ARMC8: variants seen among roughly 807,000 people sequenced by gnomAD.
ARMC8 encodes the protein armadillo repeat-containing protein 8.
Under a neutral mutation model 99.3 loss-of-function variants are expected in ARMC8, and 20 were observed. That is an observed-to-expected ratio of 0.20 (90% CI 0.14 to 0.29). ARMC8 has a LOEUF of 0.29. Among genes scored for constraint, ARMC8 ranks in the 10% least tolerant of loss-of-function variants. The pLI is 1.00. For synonymous variants in ARMC8, 263 were observed against 278.3 expected (o/e 0.95, Z 0.55); for missense variants, 569 against 809.5 (o/e 0.70, Z 3.60).
chr3:138,237,794 G>A (rs545482439), intron 9 of ARMC8, among the ~76,000 whole-genome samples: 1 of 152,224 alleles, frequency 6.6e-6, no homozygotes, highest in Non-Finnish European at 1.5e-5. Context: ...TAACATCTGA[G>A]ACTGTCTTCA....
At chr3:138,255,047 T>C (rs1182525764) in intron 12 of ARMC8, among the ~76,000 whole-genome samples, 1 of 152,016 alleles carries the variant, frequency 6.6e-6, no homozygotes, top group Non-Finnish European at 1.5e-5. Context: ...GGCTAGATGC[T>C]GATTTAATTC....
chr3:138,207,179 C>T (rs760825688), intron 1 of ARMC8, among the ~76,000 whole-genome samples: 1 of 152,196 alleles, frequency 6.6e-6, no homozygotes, highest in African/African-American at 2.4e-5. Context: ...TACACTCTTA[C>T]TCATTTTCCA....
intron 21 of ARMC8, among the ~76,000 whole-genome samples, chr3:138,293,879 C>A (rs1055298265): frequency 3.9e-5 from 6 of 152,198 alleles, no homozygotes; most frequent in African/African-American, 1.2e-4. Context: ...CTTGCTTAGA[C>A]CACTCTGGTG....
chr3:138,235,477 C>G (rs2046283524), intron 7 of ARMC8, among the ~76,000 whole-genome samples: 1 of 152,196 alleles, frequency 6.6e-6, no homozygotes, highest in South Asian at 2.1e-4. Context: ...CACAGTGTCT[C>G]AGACTTAGCA....
At chr3:138,275,560 A>G (rs2049204713) in intron 18 of ARMC8, among the ~76,000 whole-genome samples, 1 of 149,466 alleles carries the variant, frequency 6.7e-6, no homozygotes, top group African/African-American at 2.4e-5. Context: ...CTCTGTCTCA[A>G]AAAAAAAAAA....
Position 138,239,501 on chromosome 3 carries a change from G to T in ARMC8, c.810G>T (p.Arg270=). 1 of 1,602,068 alleles carries T rather than the reference G, an allele frequency of 6.2e-7. No homozygotes were observed. Among genetic ancestry groups the T allele is most frequent in the South Asian group, 1.1e-5 (1 of 87,670 alleles). ...ACATGTGTAGAGCTGGAGCAATTCG[G>T]ACAGATGATAACTGTATTGTATTAA... ...LTYMCRAGAI[R]TDDNCIVLKT... Residue 270 remains arginine (R), a synonymous_variant, in exon 10 of 22, where the codon CGG becomes CGT. Coordinates refer to ENST00000469044, the MANE Select transcript of ARMC8 (RefSeq NM_001363941.2).
chr3:138,215,493 A>G (rs1369757340), intron 2 of ARMC8, among the ~76,000 whole-genome samples: 2 of 152,042 alleles, frequency 1.3e-5, no homozygotes, highest in Non-Finnish European at 2.9e-5. Context: ...TGGGATTACA[A>G]GCATGAGCCA....
intron 2 of ARMC8, among the ~76,000 whole-genome samples, chr3:138,211,046 T>C (rs938682937): frequency 5.3e-5 from 8 of 152,212 alleles, no homozygotes; most frequent in Non-Finnish European, 1.2e-4. Context: ...TAGGAGACTT[T>C]ATAATTATTT....
At chr3:138,198,153 A>G (rs1450759737) in intron 1 of ARMC8, among the ~76,000 whole-genome samples, 1 of 152,148 alleles carries the variant, frequency 6.6e-6, no homozygotes, top group Non-Finnish European at 1.5e-5. Context: ...CCTACACAGC[A>G]TAGCAAAACC....
At chr3:138,201,663 G>C (rs2044090920) in intron 1 of ARMC8, among the ~76,000 whole-genome samples, 1 of 151,680 alleles carries the variant, frequency 6.6e-6, no homozygotes, top group Non-Finnish European at 1.5e-5. Flanking sequence ...GTTTCACCAT[G>C]TTGGTCAGGT....
intron 18 of ARMC8, among the ~76,000 whole-genome samples, chr3:138,277,748 T>C (rs1032356872): frequency 6.6e-6 from 1 of 152,212 alleles, no homozygotes; most frequent in Non-Finnish European, 1.5e-5. Flanking sequence ...AAGTTGTACA[T>C]ATACGTGCCA....
rs375216090 is a variant in ARMC8 at position 138,297,776 on chromosome 3, C to G, written c.*1884C>G. ...AAAACTTAGTTTATTGGGAAGAAAGCCTCAGGCCCACTCGTTTCTAGAACT... is the reference window on the plus strand; with the variant it reads ...AAAACTTAGTTTATTGGGAAGAAAGGCTCAGGCCCACTCGTTTCTAGAACT... On this transcript the variant is annotated 3_prime_UTR_variant, in exon 22 of 22. Transcript: ENST00000469044. The G allele has an allele frequency of 2.0e-5, 3 of 152,156 alleles. No homozygotes were observed. In the East Asian group the frequency reaches 5.8e-4, roughly 29 times the overall value. 9.4% of individuals were successfully genotyped at this position (152,156 alleles called of 1,614,324 possible). A position where few individuals can be genotyped will look rare whatever the true frequency, so the allele number is the denominator to read the frequency against.
intron 12 of ARMC8, among the ~76,000 whole-genome samples, chr3:138,258,159 A>G (rs1198532814): frequency 1.3e-5 from 2 of 152,126 alleles, no homozygotes; most frequent in Non-Finnish European, 2.9e-5. Flanking sequence ...CACTGCCTTG[A>G]CACCCCCTCA....
intron 2 of ARMC8, among the ~76,000 whole-genome samples, chr3:138,215,125 C>G (rs761079755): frequency 1.3e-5 from 2 of 152,210 alleles, no homozygotes; most frequent in Admixed American, 6.5e-5. Context: ...TCTTTACTTG[C>G]AGACAGATAA....
intron 18 of ARMC8, among the ~76,000 whole-genome samples, chr3:138,278,261 C>A (rs934753961): frequency 7.9e-5 from 12 of 152,154 alleles, no homozygotes; most frequent in African/African-American, 2.9e-4. Context: ...GATCCCAGCA[C>A]TTTGGGAGGC....
intron 1 of ARMC8, chr3:138,188,607 G>T: frequency 6.3e-7 from 1 of 1,578,976 alleles, no homozygotes. Flanking sequence ...TTAGACTTGT[G>T]GAAGCCAGTC....
intron 2 of ARMC8, among the ~76,000 whole-genome samples, chr3:138,213,860 A>G (rs917410348): frequency 6.6e-6 from 1 of 152,160 alleles, no homozygotes; most frequent in African/African-American, 2.4e-5. Context: ...AGTGAATTTC[A>G]ATGAAAAGAT....
chr3:138,246,269 T>TC, intron 12 of ARMC8: 3 of 985,798 alleles, frequency 3.0e-6, no homozygotes, highest in Non-Finnish European at 3.6e-6. Context: ...ATTGAATGTT[T>TC]CCATGTACCT....
intron 18 of ARMC8, among the ~76,000 whole-genome samples, chr3:138,280,779 A>C (rs542076158): frequency 2.2e-4 from 33 of 152,190 alleles, no homozygotes; most frequent in Non-Finnish European, 4.3e-4. Flanking sequence ...GGCATGAGCC[A>C]CCATGCCTGG....
Sources: gnomAD v4.1 joint callset for allele counts (sites outside exome capture counted in the v4.1 genomes callset) on GRCh38, gnomAD v4.1.1 for gene constraint, MANE v1.5 for transcripts, NCBI Gene and HGNC (gene_info 2026-07-23, HGNC 2026-07-21) for gene names.